The following SLC23A1 variants were observed in gnomAD, a reference collection of about 807,000 sequenced individuals.
SLC23A1 encodes solute carrier family 23 member 1, also known as Na(+)/L-ascorbic acid transporter 1.
Under a neutral mutation model 62.5 loss-of-function variants are expected in SLC23A1, and 31 were observed. The observed-to-expected ratio is 0.50, with a 90% CI of 0.37 to 0.67. The LOEUF (loss-of-function observed/expected upper bound fraction) is 0.67. Among genes scored for constraint, SLC23A1 ranks in the 30% least tolerant of loss-of-function variants. SLC23A1 has a pLI of 0.00. For missense variants in SLC23A1, 640 were observed against 782.7 expected (o/e 0.82, Z 2.18); for synonymous variants, 271 against 313.2 (o/e 0.87, Z 1.42).
Position 139,379,849 on chromosome 5 carries a change from T to C in SLC23A1, c.769-15A>G, listed in dbSNP as rs768592296. 6.2e-7 allele frequency: 1 copy of C among 1,611,480 alleles called. No homozygotes were observed. Among genetic ancestry groups the C allele is most frequent in the East Asian group, 2.2e-5 (1 of 44,790 alleles). On this transcript the variant is annotated splice_polypyrimidine_tract_variant and intron_variant, in intron 7 of 14. Coordinates refer to ENST00000348729, the MANE Select transcript of SLC23A1 (RefSeq NM_005847.5). The surrounding 1 kb of genome is among the most constrained non-coding windows in gnomAD (Gnocchi z 4.7). Reference sequence around the variant, plus strand: ...GCCAGCATGATCTGAAGGAGGGGGGTGAGGGGGCACTGAAGGCACTGGAGG... The same window carrying C: ...GCCAGCATGATCTGAAGGAGGGGGGCGAGGGGGCACTGAAGGCACTGGAGG...
chr5:139,374,504 G>A (rs1757849595), intron 13 of SLC23A1, among the ~76,000 whole-genome samples: 1 of 152,204 alleles, frequency 6.6e-6, no homozygotes, highest in Non-Finnish European at 1.5e-5. Context: ...AGGAAGTTAA[G>A]GGCTGGAAAA....
chr5:139,379,935 A>G lies in SLC23A1; in HGVS notation c.768+21T>C. ...AAGCCCTGGCCATAGTCCCAGCCCC[A>G]GCCGCCTGCCAGGTCCTCACAGGAA... On this transcript the variant is annotated intron_variant, in intron 7 of 14. Coordinates refer to ENST00000348729, the MANE Select transcript of SLC23A1 (RefSeq NM_005847.5). This position sits in a 1 kb window ranked among gnomAD's most constrained non-coding sequence, Gnocchi z 4.7. 6.2e-7 allele frequency: 1 copy of G among 1,614,110 alleles called. No homozygotes were observed. The highest frequency in any genetic ancestry group is 2.2e-5 in the East Asian group (1 of 44,870).
rs1758058369 is a variant in SLC23A1 at position 139,378,395 on chromosome 5, G to A, written c.1180-44C>T. The A allele has an allele frequency of 3.9e-6, 6 of 1,544,558 alleles. No individual in the cohort carries two copies. The highest frequency in any genetic ancestry group is 2.3e-4 in the Middle Eastern group (1 of 4,374). On this transcript the variant is annotated intron_variant, in intron 10 of 14. Coordinates refer to ENST00000348729, the MANE Select transcript of SLC23A1 (RefSeq NM_005847.5). The surrounding 1 kb of genome is among the most constrained non-coding windows in gnomAD (Gnocchi z 4.5). ...GGAAGCTAGACCTGGGGACGAGGCT[G>A]GGGCGGGGTTAGTTCCAGGGGCGGG...
chr5:139,377,327 C>A, intron 13 of SLC23A1, 75 bp downstream of exon 13: 1 of 833,726 alleles, frequency 1.2e-6, no homozygotes, highest in Admixed American at 1.8e-5. Context: ...CCACACAGCT[C>A]CAGCTCAGAG....
intron 13 of SLC23A1, among the ~76,000 whole-genome samples, chr5:139,372,687 C>G (rs868864872): frequency 6.6e-6 from 1 of 152,060 alleles, no homozygotes; most frequent in African/African-American, 2.4e-5. Context: ...CGGGTTTAAG[C>G]GATTATCCTG....
rs1357126726 is a variant in SLC23A1, at chr5:139,378,151, C to G, written c.1310-33G>C. 3 of 1,613,860 alleles carry G rather than the reference C, an allele frequency of 1.9e-6. No individual in the cohort carries two copies. Among genetic ancestry groups the G allele is most frequent in the Non-Finnish European group, 2.5e-6 (3 of 1,179,914 alleles). The stretch of plus-strand genomic sequence containing the variant: ...CGCAAGAGAACGGCTGGAGGCGCCG[C>G]ACACGCGTAATCCAGGTGAGTCCCA... On this transcript the variant is annotated intron_variant, in intron 11 of 14. Transcript: ENST00000348729. The surrounding 1 kb of genome is among the most constrained non-coding windows in gnomAD (Gnocchi z 4.5).
intron 14 of SLC23A1, among the ~76,000 whole-genome samples, chr5:139,370,382 G>T (rs1757579389): frequency 6.6e-6 from 1 of 152,154 alleles, no homozygotes; most frequent in African/African-American, 2.4e-5. Flanking sequence ...TGTTAGCCGG[G>T]CTGGTCTTGA....
upstream of SLC23A1, chr5:139,384,332 G>C: frequency 1.6e-6 from 2 of 1,266,348 alleles, no homozygotes; most frequent in South Asian, 2.6e-5. Flanking sequence ...GGCTGCCCCA[G>C]CCCCAGCACT....
At chr5:139,383,068 T>G in intron 1 of SLC23A1, 150 bp downstream of exon 1, 4 of 562,406 alleles carry the variant, frequency 7.1e-6, no homozygotes, top group East Asian at 3.3e-5. Context: ...CCTCCACCCA[T>G]CCCCCAGTTG....
At chr5:139,375,303 A>G (rs1410602327) in intron 13 of SLC23A1, among the ~76,000 whole-genome samples, 1 of 152,198 alleles carries the variant, frequency 6.6e-6, no homozygotes, top group Non-Finnish European at 1.5e-5. Context: ...GAAACCCTCC[A>G]GCAGAGGCAG....
rs1350980138 is a variant in SLC23A1 at position 139,378,503 on chromosome 5, A to G, written c.1179+76T>C. The G allele has an allele frequency of 1.4e-6, 2 of 1,447,922 alleles. No individual in the cohort carries two copies. The highest frequency in any genetic ancestry group is 1.4e-5 in the African/African-American group (1 of 70,990). 89.7% of individuals were successfully genotyped at this position (1,447,922 alleles called of 1,614,324 possible). A position where few individuals can be genotyped will look rare whatever the true frequency, so the allele number is the denominator to read the frequency against. On this transcript the variant is annotated intron_variant, in intron 10 of 14. Coordinates refer to ENST00000348729, the MANE Select transcript of SLC23A1 (RefSeq NM_005847.5). This position sits in a 1 kb window ranked among gnomAD's most constrained non-coding sequence, Gnocchi z 4.5. ...TCAAAGACAGGGTGGGGCTAAACCAAAGTGGGGACCGAGTTGGGGCGGGGC... is the reference window on the plus strand; with the variant it reads ...TCAAAGACAGGGTGGGGCTAAACCAGAGTGGGGACCGAGTTGGGGCGGGGC...
In SLC23A1 at chr5:139,367,334, T is replaced by C. The variant is rs1757310924; in HGVS notation, c.*317A>G. On this transcript the variant is annotated 3_prime_UTR_variant, in exon 15 of 15. Coordinates refer to ENST00000348729, the MANE Select transcript of SLC23A1 (RefSeq NM_005847.5). The stretch of plus-strand genomic sequence containing the variant: ...TCATTTCTTTTTATTTTTTTCAACT[T>C]GCAGTCTAAAATATCACAGAGGAAA... The C allele has an allele frequency of 1.3e-5, 2 of 152,176 alleles. No homozygotes were observed. The highest frequency in any genetic ancestry group is 4.8e-5 in the African/African-American group (2 of 41,436). The allele number at this position is 152,176 out of a possible 1,614,324, so 9.4% of individuals were successfully genotyped here.
upstream of SLC23A1, among the ~76,000 whole-genome samples, chr5:139,384,895 G>T (rs1021376842): frequency 3.3e-5 from 5 of 152,192 alleles, no homozygotes; most frequent in Non-Finnish European, 5.9e-5. Flanking sequence ...TCTCTCCTGA[G>T]TGAAGGCCAC....
At chr5:139,373,738 T>G (rs996073072) in intron 13 of SLC23A1, among the ~76,000 whole-genome samples, 6 of 151,814 alleles carry the variant, frequency 4.0e-5, no homozygotes, top group African/African-American at 1.2e-4. Flanking sequence ...AGACACTGTT[T>G]GGGCTTGGCT....
chr5:139,383,220 G>T lies in SLC23A1; in HGVS notation c.34C>A (p.Gln12Lys). The change falls in exon 1 of 15, where the codon CAG becomes AAG. Residue 12 changes from glutamine (Q) to lysine (K), a missense_variant and splice_region_variant. Physicochemically the swap from Gln to Lys is moderately conservative, Grantham distance 53 (BLOSUM62 1). Coordinates refer to ENST00000348729, the MANE Select transcript of SLC23A1 (RefSeq NM_005847.5). ...RAQEDLEGRTQHETTRDPSTP... is the reference protein window; with the variant it reads ...RAQEDLEGRTKHETTRDPSTP... ...CCCCCACCCCCAGCCCCCAGCACCT[G>T]TGTCCGGCCCTCGAGGTCCTCCTGG... 9.7e-7 allele frequency: 1 copy of T among 1,034,636 alleles called. No homozygotes were observed. Among genetic ancestry groups the T allele is most frequent in the Non-Finnish European group, 1.2e-6 (1 of 818,130 alleles). The allele number at this position is 1,034,636 out of a possible 1,614,324, so 64.1% of individuals were successfully genotyped here.
chr5:139,371,665 C>T (rs1317811191), intron 14 of SLC23A1, among the ~76,000 whole-genome samples: 1 of 152,218 alleles, frequency 6.6e-6, no homozygotes, highest in African/African-American at 2.4e-5. Flanking sequence ...ATGAGGCTGC[C>T]AGTGGCTAGA....
chr5:139,385,128 A>G (rs1208859397), upstream of SLC23A1, among the ~76,000 whole-genome samples: 1 of 152,234 alleles, frequency 6.6e-6, no homozygotes, highest in African/African-American at 2.4e-5. Flanking sequence ...CGGTTTCTGC[A>G]TCTGTCAAAG....
chr5:139,385,038 C>A (rs1341403975), upstream of SLC23A1, among the ~76,000 whole-genome samples: 2 of 152,200 alleles, frequency 1.3e-5, no homozygotes, highest in South Asian at 4.1e-4. Flanking sequence ...CCTCTCCGGT[C>A]CCCTAAGTCT....
intron 13 of SLC23A1, among the ~76,000 whole-genome samples, chr5:139,374,921 A>G (rs1049931972): frequency 3.3e-5 from 5 of 152,040 alleles, no homozygotes; most frequent in Non-Finnish European, 2.9e-5. Context: ...CCCCCAGTCT[A>G]GCATCCTCTA....
Sources: gnomAD v4.1 joint callset for allele counts (sites outside exome capture counted in the v4.1 genomes callset) on GRCh38, gnomAD v4.1.1 for gene constraint, Gnocchi (gnomAD v3.1) non-coding constraint, MANE v1.5 for transcripts, NCBI Gene and HGNC (gene_info 2026-07-23, HGNC 2026-07-21) for gene names.